Variants in TNFRSF13B observed in about 807,000 individuals in gnomAD.
TNFRSF13B encodes tumor necrosis factor receptor superfamily member 13B.
TNFRSF13B carries 34 observed loss-of-function variants against 24.0 expected under a neutral mutation model. The observed-to-expected ratio is 1.41, with a 90% CI of 1.08 to 1.88. The LOEUF is 1.88. Among genes scored for constraint, TNFRSF13B ranks in the 40% most tolerant of loss-of-function variants. TNFRSF13B has a pLI of 0.00. For synonymous variants in TNFRSF13B, 173 were observed against 150.3 expected (o/e 1.15, Z -1.10); for missense variants, 415 against 380.8 (o/e 1.09, Z -0.75).
At chr17:16,944,052 G>T (rs1040890892) in intron 3 of TNFRSF13B, among the ~76,000 whole-genome samples, 2 of 152,238 alleles carry the variant, frequency 1.3e-5, no homozygotes, top group Non-Finnish European at 2.9e-5. Context: ...GAGCAGCAGG[G>T]CTTTCTGTGC....
chr17:16,963,291 G>A (rs948872516), intron 1 of TNFRSF13B, among the ~76,000 whole-genome samples: 1 of 152,214 alleles, frequency 6.6e-6, no homozygotes, highest in Non-Finnish European at 1.5e-5. Flanking sequence ...TGCTGGACAA[G>A]GCCTACACCT....
Position 16,939,716 on chromosome 17 carries a change from C to G in TNFRSF13B, c.713G>C (p.Arg238Thr). ...ETCSFCFPEC[R>T]APTQESAVTP... ...GACTGCGCTCTCCTGCGTGGGCGCC[C>G]TGCACTCAGGGAAGCAGAAGCTGCA... is the stretch of plus-strand genomic sequence containing the variant. Residue 238 changes from arginine to threonine, a missense_variant, in exon 5 of 5, where the codon AGG becomes ACG. Coordinates refer to ENST00000261652, the MANE Select transcript of TNFRSF13B (RefSeq NM_012452.3). 7 of 1,606,502 alleles carry G rather than the reference C, an allele frequency of 4.4e-6. No individual in the cohort carries two copies. The highest frequency in any genetic ancestry group is 6.0e-6 in the Non-Finnish European group (7 of 1,174,986).
At chr17:16,963,801 C>T (rs560148630) in intron 1 of TNFRSF13B, among the ~76,000 whole-genome samples, 3 of 152,278 alleles carry the variant, frequency 2.0e-5, no homozygotes, top group African/African-American at 4.8e-5. Context: ...CCACCCGCCT[C>T]GGCCTCCCAA....
chr17:16,951,829 G>A (rs1286303171), intron 2 of TNFRSF13B, among the ~76,000 whole-genome samples: 4 of 151,998 alleles, frequency 2.6e-5, no homozygotes, highest in Admixed American at 6.5e-5. Flanking sequence ...TGGAGGTTGC[G>A]GTGAGCCAAG....
chr17:16,946,206 G>A (rs2087546521), intron 3 of TNFRSF13B, among the ~76,000 whole-genome samples: 2 of 152,236 alleles, frequency 1.3e-5, no homozygotes, highest in Non-Finnish European at 2.9e-5. Flanking sequence ...CAGGCACACA[G>A]GCCCTGCCCA....
intron 3 of TNFRSF13B, among the ~76,000 whole-genome samples, chr17:16,946,595 TA>T (rs67983259): frequency 0.052 from 7,711 of 149,532 alleles, 224 homozygotes; most frequent in South Asian, 0.1. Context: ...TTTATTTATT[TA>T]TTTTTTTTTG....
chr17:16,965,361 GC>G (rs2087692030), intron 1 of TNFRSF13B, among the ~76,000 whole-genome samples: 1 of 152,200 alleles, frequency 6.6e-6, no homozygotes, highest in Non-Finnish European at 1.5e-5. Flanking sequence ...AGAACCCACT[GC>G]TGGGTGACAT....
intron 1 of TNFRSF13B, among the ~76,000 whole-genome samples, chr17:16,967,068 A>T (rs1481598362): frequency 6.6e-6 from 1 of 151,946 alleles, no homozygotes; most frequent in Non-Finnish European, 1.5e-5. Flanking sequence ...GGAACTCCTG[A>T]CTTCAGGTTA....
intron 1 of TNFRSF13B, among the ~76,000 whole-genome samples, chr17:16,959,933 C>T (rs12051892): frequency 0.12 from 18,818 of 152,004 alleles, 1,271 homozygotes; most frequent in East Asian, 0.22. Context: ...TTCCCAAAAA[C>T]CAAAGAGAAA....
chr17:16,967,370 T>C (rs548662728), intron 1 of TNFRSF13B, among the ~76,000 whole-genome samples: 16 of 152,270 alleles, frequency 1.1e-4, no homozygotes, highest in Middle Eastern at 3.4e-3. Context: ...TCATAGGCCC[T>C]GTTTTTGTTT....
intron 1 of TNFRSF13B, among the ~76,000 whole-genome samples, chr17:16,964,458 T>A (rs2087685765): frequency 6.7e-6 from 1 of 149,858 alleles, no homozygotes; most frequent in East Asian, 2.0e-4. Context: ...TTCTTCTGCC[T>A]CAGCCTCCCA....
chr17:16,949,025 T>C, intron 2 of TNFRSF13B, 42 bp from the exon 3 acceptor site: 1 of 1,613,088 alleles, frequency 6.2e-7, no homozygotes, highest in Non-Finnish European at 8.5e-7. Flanking sequence ...TGACACAGAC[T>C]AGCAGGAACT....
At position 16,939,659 on chromosome 17, in the gene TNFRSF13B, C is replaced by A. The variant is rs1406884553; in HGVS notation, c.770G>T (p.Gly257Val). The A allele has an allele frequency of 6.2e-7, 1 of 1,612,488 alleles. No homozygotes were observed. The highest frequency in any genetic ancestry group is 8.5e-7 in the Non-Finnish European group (1 of 1,178,854). The change falls in exon 5 of 5, where the codon GGA becomes GTA. Residue 257 changes from glycine to valine, a missense_variant. Gly to Val is a moderately radical substitution (Grantham distance 109). Coordinates refer to ENST00000261652, the MANE Select transcript of TNFRSF13B (RefSeq NM_012452.3). ...TPGTPDPTCA[G>V]RWGCHTRTTV... Reference sequence around the variant, plus strand: ...GGTCCTGGTGTGGCACCCCCACCTTCCAGCACAAGTGGGGTCGGGGGTCCC... The same window carrying A: ...GGTCCTGGTGTGGCACCCCCACCTTACAGCACAAGTGGGGTCGGGGGTCCC...
At chr17:16,943,995 G>A (rs918044124) in intron 3 of TNFRSF13B, among the ~76,000 whole-genome samples, 1 of 152,160 alleles carries the variant, frequency 6.6e-6, no homozygotes, top group African/African-American at 2.4e-5. Flanking sequence ...GCCATTTTCA[G>A]TCCAGCTTGG....
In TNFRSF13B at chr17:16,940,390, C is replaced by A. The variant is rs370856157; in HGVS notation, c.567G>T (p.Arg189Ser). ...LVAVACFLKK[R>S]GDPCSCQPRS... ...GGGGCTGGCAGGAGCAGGGATCCCC[C>A]CTCTTCTTGAGGAAGCAGGCCACCG... Residue 189 changes from arginine to serine, a missense_variant, in exon 4 of 5, where the codon AGG (arginine) becomes AGT (serine). Transcript: ENST00000261652. 6.8e-6 allele frequency: 11 copies of A among 1,614,046 alleles called. No individual in the cohort carries two copies. Among genetic ancestry groups the A allele is most frequent in the Non-Finnish European group, 8.5e-6 (10 of 1,180,030 alleles).
In TNFRSF13B at chr17:16,939,263, CCCTCTCTGTCTCTCTG is replaced by C. The variant is rs2087486868; in HGVS notation, c.*268_*283del. 2.4e-6 allele frequency: 1 copy of C among 416,222 alleles called. No individual in the cohort carries two copies. Among genetic ancestry groups the C allele is most frequent in the Non-Finnish European group, 4.3e-6 (1 of 231,868 alleles). 25.8% of individuals were successfully genotyped at this position (416,222 alleles called of 1,614,324 possible). ...GCTCTATCTCTCTCTGTCCCTCTCT[CCCTCTCTGTCTCTCTG>C]CCTCTCTCCCTCTCTGCCTCTCTCC... On this transcript the variant is annotated 3_prime_UTR_variant, in exon 5 of 5. Coordinates refer to ENST00000261652, the MANE Select transcript of TNFRSF13B (RefSeq NM_012452.3).
chr17:16,970,865 C>A (rs567334431), intron 1 of TNFRSF13B, among the ~76,000 whole-genome samples: 1 of 147,828 alleles, frequency 6.8e-6, no homozygotes, highest in East Asian at 2.0e-4. Context: ...TGTGTAGATT[C>A]TGGGGACTTG....
intron 1 of TNFRSF13B, among the ~76,000 whole-genome samples, chr17:16,957,318 A>G (rs1374457437): frequency 6.6e-6 from 1 of 151,886 alleles, no homozygotes; most frequent in Non-Finnish European, 1.5e-5. Flanking sequence ...CAATTGAAAT[A>G]ATAGTCTGTG....
chr17:16,952,340 C>T, intron 2 of TNFRSF13B, 106 bp downstream of exon 2: 1 of 1,542,342 alleles, frequency 6.5e-7, no homozygotes, highest in Non-Finnish European at 8.8e-7. Context: ...TACATCTCCT[C>T]CTGCCACCCT....
Sources: allele counts gnomAD v4.1 joint callset (sites outside exome capture counted in the v4.1 genomes callset), GRCh38; gene constraint gnomAD v4.1.1; transcripts MANE v1.5; gene names NCBI Gene and HGNC (gene_info 2026-07-23, HGNC 2026-07-21).